Variants in LRBA observed in about 807,000 individuals in gnomAD.
LRBA encodes lipopolysaccharide-responsive and beige-like anchor protein.
LRBA carries 176 observed loss-of-function variants against 330.0 expected under a neutral mutation model. The observed-to-expected ratio is 0.53, with a 90% CI of 0.47 to 0.60. The LOEUF (loss-of-function observed/expected upper bound fraction) is 0.60. LRBA is among the 20% of genes least tolerant of loss of function. The probability of loss-of-function intolerance (pLI) is 0.00; values close to 1 mark genes in which losing one functional copy is unlikely to be tolerated. For synonymous variants in LRBA, 1,230 were observed against 1,193.0 expected (o/e 1.03, Z -0.64); for missense variants, 3,259 against 3,444.8 (o/e 0.95, Z 1.35).
At chr4:150,977,347 G>C (rs1467272025) in intron 2 of LRBA, among the ~76,000 whole-genome samples, 1 of 152,144 alleles carries the variant, frequency 6.6e-6, no homozygotes. Flanking sequence ...CAGTCATGAG[G>C]ACCCCATTCC....
chr4:150,692,369 C>A (rs1184874997), intron 36 of LRBA, among the ~76,000 whole-genome samples: 2 of 152,086 alleles, frequency 1.3e-5, no homozygotes, highest in Non-Finnish European at 2.9e-5. Context: ...GAGGCATGCA[C>A]CACCATGCCC....
chr4:150,312,921 T>C (rs558725537), intron 51 of LRBA, among the ~76,000 whole-genome samples: 1 of 152,136 alleles, frequency 6.6e-6, no homozygotes, highest in South Asian at 2.1e-4. Context: ...CTGCTGATGA[T>C]GTATTTTTAA....
chr4:150,497,070 AAT>A (rs1759674735), intron 40 of LRBA, among the ~76,000 whole-genome samples: 2 of 152,142 alleles, frequency 1.3e-5, no homozygotes, highest in African/African-American at 4.8e-5. Flanking sequence ...TTCACCAATA[AAT>A]ATATGTGCAA....
chr4:150,559,689 TTATA>T (rs1196164772), intron 40 of LRBA, among the ~76,000 whole-genome samples: 1 of 89,518 alleles, frequency 1.1e-5, no homozygotes, highest in Non-Finnish European at 2.0e-5. Flanking sequence ...ATATATTATA[TTATA>T]TATTATATAT....
chr4:150,664,379 C>T (rs531613382), intron 37 of LRBA, among the ~76,000 whole-genome samples: 6 of 152,154 alleles, frequency 3.9e-5, no homozygotes, highest in East Asian at 3.9e-4. Context: ...GACATATTAT[C>T]GAAAACAGAC....
At chr4:150,465,896 T>C (rs1000779225) in intron 44 of LRBA, among the ~76,000 whole-genome samples, 2 of 152,112 alleles carry the variant, frequency 1.3e-5, no homozygotes, top group African/African-American at 4.8e-5. Context: ...AATCTTTGTA[T>C]TCAATGATTT....
chr4:150,807,005 T>A (rs1261979911), intron 32 of LRBA, among the ~76,000 whole-genome samples: 1 of 151,194 alleles, frequency 6.6e-6, no homozygotes, highest in Non-Finnish European at 1.5e-5. Context: ...CTGAGATAGT[T>A]GTAAATGTAC....
chr4:150,834,844 A>G (rs1747777385), intron 28 of LRBA, among the ~76,000 whole-genome samples: 1 of 152,044 alleles, frequency 6.6e-6, no homozygotes, highest in East Asian at 1.9e-4. Context: ...TTTTGTTGCC[A>G]TTGCTTTTGG....
intron 37 of LRBA, among the ~76,000 whole-genome samples, chr4:150,681,482 C>T (rs909428092): frequency 2.0e-5 from 3 of 152,110 alleles, no homozygotes; most frequent in African/African-American, 7.2e-5. Flanking sequence ...TTTAAAAATG[C>T]ATTAGGGAGA....
rs574108905 is a variant in LRBA, at chr4:150,863,738, C to T, written c.2766+3933G>A. ...AAAGTCCACATTCTTTCATTACTTA[C>T]ACAAACGGATTTGAAAACTGGATAT... On this transcript the variant is annotated intron_variant, in intron 22 of 56. Coordinates refer to ENST00000651943, the MANE Select transcript of LRBA (RefSeq NM_001364905.1). 2.6e-5 allele frequency among the ~76,000 whole-genome samples: 4 copies of T among 152,268 alleles called. No individual in the cohort carries two copies. In the South Asian group the frequency reaches 6.2e-4, roughly 24 times the overall value.
At chr4:150,370,719 C>T (rs1272425670) in intron 47 of LRBA, among the ~76,000 whole-genome samples, 1 of 152,008 alleles carries the variant, frequency 6.6e-6, no homozygotes, top group Non-Finnish European at 1.5e-5. Flanking sequence ...AGTAAGTGTA[C>T]CACACTAATG....
intron 40 of LRBA, among the ~76,000 whole-genome samples, chr4:150,529,501 A>G (rs1194629624): frequency 6.6e-6 from 1 of 152,160 alleles, no homozygotes; most frequent in African/African-American, 2.4e-5. Context: ...GTGGATCACG[A>G]GGTCAGGAGT....
intron 37 of LRBA, among the ~76,000 whole-genome samples, chr4:150,601,753 A>G (rs1204663256): frequency 6.6e-6 from 1 of 151,300 alleles, no homozygotes; most frequent in Non-Finnish European, 1.5e-5. Context: ...GTGCAGTGGC[A>G]CTATCTCTGC....
chr4:150,784,116 A>G (rs912596952), intron 34 of LRBA, among the ~76,000 whole-genome samples: 2 of 152,240 alleles, frequency 1.3e-5, no homozygotes, highest in Non-Finnish European at 1.5e-5. Flanking sequence ...GAAATTGTAT[A>G]TATTTATATA....
At chr4:150,560,493 C>A (rs954927315) in intron 40 of LRBA, among the ~76,000 whole-genome samples, 1 of 152,098 alleles carries the variant, frequency 6.6e-6, no homozygotes, top group African/African-American at 2.4e-5. Flanking sequence ...GACTCTAAAG[C>A]TAACTGGACA....
intron 48 of LRBA, among the ~76,000 whole-genome samples, chr4:150,335,510 CAT>C (rs1423663324): frequency 6.9e-6 from 1 of 145,580 alleles, no homozygotes; most frequent in East Asian, 2.0e-4. Flanking sequence ...TATACACACA[CAT>C]ATACGTATTA....
chr4:150,341,767 A>T (rs1030956761), intron 48 of LRBA, among the ~76,000 whole-genome samples: 35 of 151,250 alleles, frequency 2.3e-4, no homozygotes, highest in African/African-American at 3.9e-4. Context: ...TGTATTTTTT[A>T]AAAAAATATA....
intron 40 of LRBA, among the ~76,000 whole-genome samples, chr4:150,523,141 T>A (rs1013837785): frequency 2.0e-5 from 3 of 152,224 alleles, no homozygotes; most frequent in Admixed American, 6.5e-5. Context: ...TAGAAGGAGT[T>A]AAGACTTTTG....
chr4:150,843,856 G>A (rs1486883550), intron 28 of LRBA, among the ~76,000 whole-genome samples: 2 of 152,110 alleles, frequency 1.3e-5, no homozygotes, highest in Non-Finnish European at 2.9e-5. Context: ...CACTTAGACT[G>A]CTTACTATGT....
Sources: gnomAD v4.1 joint callset for allele counts (sites outside exome capture counted in the v4.1 genomes callset) on GRCh38, gnomAD v4.1.1 for gene constraint, MANE v1.5 for transcripts, NCBI Gene and HGNC (gene_info 2026-07-23, HGNC 2026-07-21) for gene names.